EGFR: variants seen among roughly 807,000 people sequenced by gnomAD.
The protein encoded by EGFR is avian erythroblastic leukemia viral (v-erb-b) oncogene homolog.
A neutral mutation model predicts 143.0 loss-of-function variants in EGFR; 58 were observed. The ratio of observed to expected loss-of-function variants is 0.41; its 90% CI spans 0.33 to 0.50. The LOEUF is 0.50. Ranked by LOEUF, EGFR falls within the 20% of genes least tolerant of loss-of-function variation. The pLI, the probability that EGFR is intolerant of heterozygous loss-of-function variation, is 0.39. For missense variants in EGFR, 1,307 were observed against 1,579.0 expected, an observed-to-expected ratio of 0.83 and a Z score of 2.92; for synonymous variants, 613 against 594.4, an observed-to-expected ratio of 1.03 and a Z score of -0.45.
At chr7:55,080,165 G>A (rs1790382145) in intron 1 of EGFR, among the ~76,000 whole-genome samples, 1 of 152,108 alleles carries the variant, frequency 6.6e-6, no homozygotes, top group Admixed American at 6.5e-5. Flanking sequence ...TTTTGAGTTA[G>A]TTTTTGCACA....
intron 1 of EGFR, among the ~76,000 whole-genome samples, chr7:55,022,862 G>A (rs1343482826): frequency 6.6e-6 from 1 of 152,182 alleles, no homozygotes; most frequent in African/African-American, 2.4e-5. Flanking sequence ...ATTACACTTG[G>A]TCCACGTGAC....
At chr7:55,127,513 G>GT (rs1256287450) in intron 1 of EGFR, among the ~76,000 whole-genome samples, 1 of 138,796 alleles carries the variant, frequency 7.2e-6, no homozygotes, top group Non-Finnish European at 1.5e-5. Flanking sequence ...AGCACAAATT[G>GT]TTACAAAAGT....
At position 55,181,302 on chromosome 7, in the gene EGFR, G is replaced by A. The variant is rs374873413; in HGVS notation, c.2293G>A (p.Val765Met). Reference sequence around the variant, plus strand: ...CTCTCCCTCCCTCCAGGAAGCCTACGTGATGGCCAGCGTGGACAACCCCCA... The same window carrying A: ...CTCTCCCTCCCTCCAGGAAGCCTACATGATGGCCAGCGTGGACAACCCCCA... ...ANKEILDEAY[V>M]MASVDNPHVC... The change falls in exon 20 of 28, where the codon GTG (valine) becomes ATG (methionine). Residue 765 changes from valine (V) to methionine (M), a missense_variant. This residue lies in a region of EGFR where 348 missense variants were observed against 451.5 expected (regional missense o/e 0.77). Transcript: ENST00000275493. 1.9e-5 allele frequency: 30 copies of A among 1,614,036 alleles called. No homozygotes were observed. The highest frequency in any genetic ancestry group is 1.6e-4 in the Middle Eastern group (1 of 6,062).
Position 55,205,272 on chromosome 7 carries a change from C to G in EGFR, c.3288C>G (p.Ser1096=), listed in dbSNP as rs143770509. ...FLPVPEYINQ[S]VPKRPAGSVQ... is the part of the protein sequence containing the mutation. ...CACTTTCAGAATACATAAACCAGTCCGTTCCCAAAAGGCCCGCTGGCTCTG... is the reference window on the plus strand; with the variant it reads ...CACTTTCAGAATACATAAACCAGTCGGTTCCCAAAAGGCCCGCTGGCTCTG... Residue 1096 remains serine (S), a synonymous_variant, in exon 28 of 28, where the codon TCC becomes TCG. Transcript: ENST00000275493. 1 of 1,613,252 alleles carries G rather than the reference C, an allele frequency of 6.2e-7. No individual in the cohort carries two copies. Among genetic ancestry groups the G allele is most frequent in the Non-Finnish European group, 8.5e-7 (1 of 1,179,680 alleles).
intron 1 of EGFR, among the ~76,000 whole-genome samples, chr7:55,082,424 A>C (rs1583992489): frequency 6.6e-6 from 1 of 151,744 alleles, no homozygotes; most frequent in African/African-American, 2.4e-5. Context: ...GTGACTTTAT[A>C]GCCTTTTGGA....
At chr7:55,145,219 C>G (rs1281222903) in intron 3 of EGFR, among the ~76,000 whole-genome samples, 2 of 152,190 alleles carry the variant, frequency 1.3e-5, no homozygotes, top group African/African-American at 2.4e-5. Flanking sequence ...GCCCCCTGCT[C>G]TCTCTCAGGT....
chr7:55,197,249 G>A (rs1225604812), intron 22 of EGFR, among the ~76,000 whole-genome samples: 1 of 152,046 alleles, frequency 6.6e-6, no homozygotes, highest in South Asian at 2.1e-4. Context: ...GTATTTCTAG[G>A]TATTTTATTC....
intron 1 of EGFR, among the ~76,000 whole-genome samples, chr7:55,078,332 C>T (rs1265316372): frequency 6.8e-6 from 1 of 147,870 alleles, no homozygotes; most frequent in Non-Finnish European, 1.5e-5. Context: ...CAGAGCGGTG[C>T]CAGGAAGCCG....
At chr7:55,190,958 C>T (rs1172845979) in intron 20 of EGFR, among the ~76,000 whole-genome samples, 2 of 152,124 alleles carry the variant, frequency 1.3e-5, no homozygotes, top group African/African-American at 2.4e-5. Flanking sequence ...CAGCAGCCAG[C>T]AGGGAGAAAG....
intron 1 of EGFR, among the ~76,000 whole-genome samples, chr7:55,038,152 G>A (rs1787704530): frequency 6.6e-6 from 1 of 152,170 alleles, no homozygotes; most frequent in Admixed American, 6.5e-5. Flanking sequence ...AGGTGGATCC[G>A]TTTTTGGAAA....
chr7:55,066,197 A>C (rs1413215199), intron 1 of EGFR, among the ~76,000 whole-genome samples: 1 of 152,202 alleles, frequency 6.6e-6, no homozygotes, highest in Non-Finnish European at 1.5e-5. Context: ...GTGTTCTGGC[A>C]GTTGACATTT....
intron 19 of EGFR, chr7:55,180,991 TC>T (rs1786836996): frequency 3.9e-6 from 2 of 511,544 alleles, no homozygotes; most frequent in African/African-American, 3.8e-5. Flanking sequence ...AACTCAGAGA[TC>T]AGGTGACTCC....
At chr7:55,128,962 A>T (rs990698921) in intron 1 of EGFR, among the ~76,000 whole-genome samples, 15 of 152,240 alleles carry the variant, frequency 9.9e-5, no homozygotes, top group African/African-American at 3.4e-4. Flanking sequence ...TTGAAAACTT[A>T]TATATGATGT....
chr7:55,172,816 G>A, intron 16 of EGFR, 167 bp from the exon 17 acceptor site: 1 of 1,544,440 alleles, frequency 6.5e-7, no homozygotes. Context: ...TGGAAACGTT[G>A]CCTTAGAAGC....
In EGFR at chr7:55,195,349, A is replaced by G. The variant is rs183868052; in HGVS notation, c.2701+2508A>G. On this transcript the variant is annotated intron_variant, in intron 22 of 27. Transcript: ENST00000275493. ...GTTACCCAGAGATGGGAGGGCCATC[A>G]GAACTCGGGGTTGTCTGAAAAAACA... Among the ~76,000 whole-genome samples, 267 of 152,350 alleles carry G rather than the reference A, an allele frequency of 1.8e-3. 1 individual carries two copies. The highest frequency in any genetic ancestry group is 6.1e-3 in the African/African-American group (254 of 41,588).
At chr7:55,079,034 G>A (rs887750407) in intron 1 of EGFR, among the ~76,000 whole-genome samples, 3 of 152,236 alleles carry the variant, frequency 2.0e-5, no homozygotes, top group East Asian at 1.9e-4. Flanking sequence ...GGGAGTTCTC[G>A]TCCATTCCTC....
intron 14 of EGFR, 132 bp from the exon 15 acceptor site, chr7:55,165,148 T>G: frequency 1.5e-6 from 2 of 1,314,278 alleles, no homozygotes; most frequent in Non-Finnish European, 2.1e-6. Context: ...ACTGGTTTTC[T>G]CCTTTAAGAA....
intron 20 of EGFR, among the ~76,000 whole-genome samples, chr7:55,187,766 C>T (rs1048879688): frequency 1.3e-5 from 2 of 151,374 alleles, no homozygotes; most frequent in African/African-American, 4.9e-5. Context: ...TTTCAGAGCC[C>T]CCCTGAACCC....
chr7:55,038,744 ATG>A (rs3063036), intron 1 of EGFR, among the ~76,000 whole-genome samples: 5 of 151,378 alleles, frequency 3.3e-5, no homozygotes, highest in African/African-American at 4.8e-5. Context: ...GTGTGTGTGT[ATG>A]TGTGTGTGTG....
Sources: allele counts gnomAD v4.1 joint callset (sites outside exome capture counted in the v4.1 genomes callset), GRCh38; gene constraint gnomAD v4.1.1; regional missense constraint gnomAD v4.1.1; transcripts MANE v1.5; gene names NCBI Gene and HGNC (gene_info 2026-07-23, HGNC 2026-07-21).